FOXN3: variants seen among roughly 807,000 people sequenced by gnomAD.
The protein encoded by FOXN3 is forkhead box protein N3.
Under a neutral mutation model 38.4 loss-of-function variants are expected in FOXN3, and 7 were observed. The ratio of observed to expected loss-of-function variants is 0.18; its 90% CI spans 0.10 to 0.34. The LOEUF is 0.34. Ranked by LOEUF, FOXN3 falls within the 10% of genes least tolerant of loss-of-function variation. The pLI is 1.00. For synonymous variants in FOXN3, 230 were observed against 242.2 expected, an observed-to-expected ratio of 0.95 and a Z score of 0.47; for missense variants, 456 against 613.4, an observed-to-expected ratio of 0.74 and a Z score of 2.71.
chr14:89,345,745 T>C (rs1238209728), intron 3 of FOXN3, among the ~76,000 whole-genome samples: 3 of 152,232 alleles, frequency 2.0e-5, no homozygotes, highest in Non-Finnish European at 4.4e-5. Flanking sequence ...TTTCCATTCC[T>C]GAGTTACTTC....
At chr14:89,434,891 A>G (rs1027867729) in intron 1 of FOXN3, among the ~76,000 whole-genome samples, 6 of 152,304 alleles carry the variant, frequency 3.9e-5, no homozygotes, top group African/African-American at 1.2e-4. Flanking sequence ...GTTTAGAAAC[A>G]CCACTGACCC....
At chr14:89,473,795 A>G (rs1312736114) in intron 1 of FOXN3, among the ~76,000 whole-genome samples, 3 of 152,222 alleles carry the variant, frequency 2.0e-5, no homozygotes, top group Admixed American at 6.5e-5. Context: ...TTTGAACATT[A>G]CCATGGGTTG....
intron 1 of FOXN3, among the ~76,000 whole-genome samples, chr14:89,444,245 C>A (rs2139700393): frequency 6.6e-6 from 1 of 151,702 alleles, no homozygotes. Flanking sequence ...AATTGAAACA[C>A]AGGAAATAGC....
At chr14:89,483,067 T>C (rs1355184881) in intron 1 of FOXN3, among the ~76,000 whole-genome samples, 3 of 151,914 alleles carry the variant, frequency 2.0e-5, no homozygotes, top group African/African-American at 7.3e-5. Flanking sequence ...ATTAGCCAGG[T>C]GTGGTGGCGC....
At chr14:89,230,658 A>T (rs946218069) in intron 4 of FOXN3, 1 of 246,178 alleles carries the variant, frequency 4.1e-6, no homozygotes. Context: ...AGAGTTCCAC[A>T]AGGGCAAAGA....
intron 1 of FOXN3, among the ~76,000 whole-genome samples, chr14:89,546,332 T>TTTTTTC (rs1555359727): frequency 2.5e-5 from 2 of 78,476 alleles, no homozygotes; most frequent in African/African-American, 8.0e-5. Flanking sequence ...CCTTTTTCTT[T>TTTTTTC]TTTTTTTTTT....
intron 3 of FOXN3, among the ~76,000 whole-genome samples, chr14:89,343,038 T>G (rs1453765058): frequency 6.6e-6 from 1 of 152,232 alleles, no homozygotes; most frequent in Admixed American, 6.5e-5. Context: ...TTAAAGTCCT[T>G]CAATGTAAGT....
intron 4 of FOXN3, among the ~76,000 whole-genome samples, chr14:89,257,565 C>T (rs1451823115): frequency 6.6e-6 from 1 of 152,162 alleles, no homozygotes; most frequent in Non-Finnish European, 1.5e-5. Flanking sequence ...GCTTCCCCAC[C>T]AGGTGAATTT....
At chr14:89,378,483 G>C (rs894370395) in intron 2 of FOXN3, among the ~76,000 whole-genome samples, 3 of 152,104 alleles carry the variant, frequency 2.0e-5, no homozygotes, top group Non-Finnish European at 2.9e-5. Context: ...ATCTGACATT[G>C]GATTTTTCAT....
intron 1 of FOXN3, among the ~76,000 whole-genome samples, chr14:89,610,853 T>C (rs1181893163): frequency 6.6e-6 from 1 of 152,248 alleles, no homozygotes. Context: ...TGCATATGTC[T>C]TTGGCATTTC....
intron 3 of FOXN3, among the ~76,000 whole-genome samples, chr14:89,327,968 T>C (rs908035659): frequency 2.6e-5 from 4 of 152,160 alleles, no homozygotes; most frequent in Non-Finnish European, 5.9e-5. Flanking sequence ...GTGTCAACAC[T>C]AAAAACCCAG....
intron 1 of FOXN3, among the ~76,000 whole-genome samples, chr14:89,607,711 A>G (rs975214015): frequency 2.0e-5 from 3 of 152,116 alleles, no homozygotes; most frequent in African/African-American, 7.2e-5. Context: ...GAACCCAACC[A>G]ATCTTTCTTT....
At chr14:89,313,419 G>A (rs1376567810) in intron 3 of FOXN3, among the ~76,000 whole-genome samples, 1 of 152,140 alleles carries the variant, frequency 6.6e-6, no homozygotes, top group Non-Finnish European at 1.5e-5. Flanking sequence ...TTAGCTGGGC[G>A]TGGTGGCGCA....
At chr14:89,565,210 C>A (rs1895327628) in intron 1 of FOXN3, among the ~76,000 whole-genome samples, 1 of 151,882 alleles carries the variant, frequency 6.6e-6, no homozygotes. Context: ...CCAAGGAACG[C>A]CCAGAATTGC....
At chr14:89,479,244 T>A (rs928571796) in intron 1 of FOXN3, among the ~76,000 whole-genome samples, 3 of 152,136 alleles carry the variant, frequency 2.0e-5, no homozygotes, top group Non-Finnish European at 2.9e-5. Context: ...CCCAGGCCAG[T>A]CCTCTTTCCT....
At chr14:89,387,304 GAC>G (rs1022566853) in intron 2 of FOXN3, among the ~76,000 whole-genome samples, 3 of 152,128 alleles carry the variant, frequency 2.0e-5, no homozygotes, top group East Asian at 1.9e-4. Flanking sequence ...TTAGGGGGGA[GAC>G]ACAATTCAAT....
At chr14:89,600,102 T>A (rs997900025) in intron 1 of FOXN3, among the ~76,000 whole-genome samples, 2 of 152,188 alleles carry the variant, frequency 1.3e-5, no homozygotes, top group African/African-American at 2.4e-5. Context: ...TTCTTTTTAA[T>A]TTTGAGCAGC....
At chr14:89,209,729 T>C (rs1465767096) in intron 4 of FOXN3, among the ~76,000 whole-genome samples, 1 of 152,236 alleles carries the variant, frequency 6.6e-6, no homozygotes, top group Non-Finnish European at 1.5e-5. Context: ...CTTTACTCCT[T>C]TTCTAGGCAT....
At chr14:89,354,756 G>A (rs1889137082) in intron 2 of FOXN3, among the ~76,000 whole-genome samples, 1 of 151,640 alleles carries the variant, frequency 6.6e-6, no homozygotes, top group Admixed American at 6.6e-5. Context: ...TTAAGAGGCT[G>A]AAGCAGGATA....
Sources: gnomAD v4.1 joint callset for allele counts (sites outside exome capture counted in the v4.1 genomes callset) on GRCh38, gnomAD v4.1.1 for gene constraint, MANE v1.5 for transcripts, NCBI Gene and HGNC (gene_info 2026-07-23, HGNC 2026-07-21) for gene names.